LOC128462377: variants seen among roughly 807,000 people sequenced by gnomAD.
At chr16:89,333,501 G>A in the LOC128462377 span, among the ~76,000 whole-genome samples, 9 of 152,216 alleles carry the variant, frequency 5.9e-5, no homozygotes, top group Admixed American at 2.6e-4. Context: ...CAGGTCCCCC[G>A]TGTTCCTGCT....
At chr16:89,371,850 C>A in the LOC128462377 span, among the ~76,000 whole-genome samples, 1 of 152,204 alleles carries the variant, frequency 6.6e-6, no homozygotes, top group Non-Finnish European at 1.5e-5. Context: ...CGAGCTCTTC[C>A]ACAGGAGGAA....
At chr16:89,338,425 A>T in the LOC128462377 span, among the ~76,000 whole-genome samples, 9 of 28,916 alleles carry the variant, frequency 3.1e-4, 1 homozygote, top group African/African-American at 9.4e-4. Flanking sequence ...ACACTCTGTT[A>T]AAAAAAAAAA....
chr16:89,388,293 A>ATTTTTTTTTTTTTTTT, the LOC128462377 span, among the ~76,000 whole-genome samples: 41 of 85,294 alleles, frequency 4.8e-4, 3 homozygotes, highest in African/African-American at 1.6e-3. Flanking sequence ...CATGAGGCTG[A>ATTTTTTTTTTTTTTTT]TTTTTTTTTT....
chr16:89,403,811 G>A, the LOC128462377 span: 3 of 152,108 alleles, frequency 2.0e-5, no homozygotes, highest in Non-Finnish European at 4.4e-5. Flanking sequence ...CATGCGTCTG[G>A]AGTCCCAGCT....
chr16:89,393,975 C>T, the LOC128462377 span, among the ~76,000 whole-genome samples: 2 of 152,300 alleles, frequency 1.3e-5, no homozygotes, highest in South Asian at 4.2e-4. Context: ...GAAGCTCAAA[C>T]CACTAGGTGC....
At chr16:89,385,267 C>T in the LOC128462377 span, among the ~76,000 whole-genome samples, 1 of 151,882 alleles carries the variant, frequency 6.6e-6, no homozygotes, top group African/African-American at 2.4e-5. Flanking sequence ...CAGCTCACTG[C>T]ACAGGTGTCT....
the LOC128462377 span, among the ~76,000 whole-genome samples, chr16:89,335,893 G>A: frequency 1.1e-4 from 16 of 152,292 alleles, 1 homozygote; most frequent in South Asian, 1.7e-3. Context: ...ATCCCCACAC[G>A]CCAGCAGCTG....
the LOC128462377 span, among the ~76,000 whole-genome samples, chr16:89,361,257 C>T: frequency 1.3e-5 from 2 of 152,316 alleles, no homozygotes; most frequent in South Asian, 4.1e-4. Context: ...AGGGCCTGCC[C>T]CAAGCAGCAG....
At chr16:89,397,943 T>G in the LOC128462377 span, among the ~76,000 whole-genome samples, 1 of 152,226 alleles carries the variant, frequency 6.6e-6, no homozygotes, top group Non-Finnish European at 1.5e-5. Context: ...CCTCAGACAC[T>G]GATCTCCTGT....
At chr16:89,394,263 G>C in the LOC128462377 span, among the ~76,000 whole-genome samples, 1 of 152,214 alleles carries the variant, frequency 6.6e-6, no homozygotes, top group African/African-American at 2.4e-5. Context: ...CCATGTCCCT[G>C]GAAAGCAGCC....
chr16:89,404,646 G>T, the LOC128462377 span, among the ~76,000 whole-genome samples: 1 of 152,234 alleles, frequency 6.6e-6, no homozygotes, highest in East Asian at 1.9e-4. Flanking sequence ...TCACTACTAT[G>T]GATCCTGAGG....
chr16:89,390,732 G>T, the LOC128462377 span, among the ~76,000 whole-genome samples: 1 of 152,192 alleles, frequency 6.6e-6, no homozygotes, highest in African/African-American at 2.4e-5. Flanking sequence ...AAGTCCTGCA[G>T]AAAAACACCT....
At chr16:89,328,496 C>T in the LOC128462377 span, among the ~76,000 whole-genome samples, 1 of 152,238 alleles carries the variant, frequency 6.6e-6, no homozygotes, top group Non-Finnish European at 1.5e-5. Context: ...TCACGGCATC[C>T]CCTCAGCAGT....
At chr16:89,343,416 T>A in the LOC128462377 span, among the ~76,000 whole-genome samples, 1 of 152,214 alleles carries the variant, frequency 6.6e-6, no homozygotes, top group Non-Finnish European at 1.5e-5. Context: ...AAAGTAAAAA[T>A]CAGCTCAGAT....
the LOC128462377 span, among the ~76,000 whole-genome samples, chr16:89,338,657 T>G: frequency 7.6e-6 from 1 of 132,100 alleles, no homozygotes; most frequent in Non-Finnish European, 1.5e-5. Flanking sequence ...CCTGGGAAGC[T>G]GAGGTTGCAG....
the LOC128462377 span, among the ~76,000 whole-genome samples, chr16:89,394,756 G>C: frequency 2.0e-5 from 3 of 152,074 alleles, no homozygotes; most frequent in African/African-American, 7.2e-5. Context: ...CTCCATCAAG[G>C]ATGCTGTAAA....
At chr16:89,400,104 G>A in the LOC128462377 span, among the ~76,000 whole-genome samples, 4 of 26,808 alleles carry the variant, frequency 1.5e-4, no homozygotes, top group African/African-American at 8.5e-4. Context: ...CCTGCGCTGG[G>A]GGACGGTCAT....
At chr16:89,340,165 C>T in the LOC128462377 span, among the ~76,000 whole-genome samples, 2 of 152,236 alleles carry the variant, frequency 1.3e-5, no homozygotes, top group Non-Finnish European at 2.9e-5. Context: ...GAATTTCTAG[C>T]AAGAAACTGT....
the LOC128462377 span, among the ~76,000 whole-genome samples, chr16:89,345,996 C>T: frequency 6.6e-6 from 1 of 152,082 alleles, no homozygotes; most frequent in Non-Finnish European, 1.5e-5. Flanking sequence ...AATCCCAGCA[C>T]TTTGGGAGGC....
Sources: gnomAD v4.1 joint callset for allele counts (sites outside exome capture counted in the v4.1 genomes callset) on GRCh38, gnomAD v4.1.1 for gene constraint, MANE v1.5 for transcripts.